BNC2: variants seen among roughly 807,000 people sequenced by gnomAD.
The protein encoded by BNC2 is zinc finger protein basonuclin-2.
In BNC2, 20 loss-of-function variants were observed where a neutral mutation model predicts 76.3. That is an observed-to-expected ratio of 0.26 (90% CI 0.18 to 0.38). The LOEUF (loss-of-function observed/expected upper bound fraction) is 0.38, where lower values mean the gene tolerates loss of function less well. BNC2 is among the 10% of genes least tolerant of loss of function. The pLI, the probability that BNC2 is intolerant of heterozygous loss-of-function variation, is 1.00. For synonymous variants in BNC2, 582 were observed against 514.8 expected (o/e 1.13, Z -1.77); for missense variants, 1,382 against 1,399.8 (o/e 0.99, Z 0.20).
At chr9:16,513,175 A>G (rs949948712) in intron 5 of BNC2, among the ~76,000 whole-genome samples, 1 of 152,150 alleles carries the variant, frequency 6.6e-6, no homozygotes, top group Non-Finnish European at 1.5e-5. Context: ...ATAATGAAAT[A>G]AAGTGTTCAT....
chr9:16,785,690 A>G (rs1826272330), intron 1 of BNC2, among the ~76,000 whole-genome samples: 1 of 150,808 alleles, frequency 6.6e-6, no homozygotes, highest in Non-Finnish European at 1.5e-5. Flanking sequence ...CGCCCAGCCT[A>G]TGTATTTATT....
At chr9:16,424,434 G>C (rs1386737185) in intron 6 of BNC2, among the ~76,000 whole-genome samples, 1 of 152,112 alleles carries the variant, frequency 6.6e-6, no homozygotes, top group Non-Finnish European at 1.5e-5. Flanking sequence ...TAATTAATTA[G>C]AATGCCTCAA....
chr9:16,638,926 A>C (rs550555115), intron 3 of BNC2, among the ~76,000 whole-genome samples: 9 of 152,194 alleles, frequency 5.9e-5, no homozygotes, highest in Non-Finnish European at 1.3e-4. Context: ...GCAAAAGTTA[A>C]AGATAATAAT....
chr9:16,762,646 G>A (rs896991726), intron 1 of BNC2, among the ~76,000 whole-genome samples: 1 of 152,096 alleles, frequency 6.6e-6, no homozygotes, highest in African/African-American at 2.4e-5. Context: ...TTTGCTATTT[G>A]TTCTCCAAAG....
chr9:16,830,613 C>T (rs1253391024), intron 1 of BNC2, among the ~76,000 whole-genome samples: 1 of 152,120 alleles, frequency 6.6e-6, no homozygotes, highest in Non-Finnish European at 1.5e-5. Context: ...ATACAGAAGG[C>T]CAACTGTATT....
chr9:16,556,648 G>A (rs1048645414), intron 4 of BNC2, among the ~76,000 whole-genome samples: 5 of 140,276 alleles, frequency 3.6e-5, no homozygotes, highest in Non-Finnish European at 7.4e-5. Flanking sequence ...CGCGCCTGTA[G>A]TCCCAGTTAC....
Position 16,412,476 on chromosome 9 carries a change from A to G in BNC2, c.*6513T>C, listed in dbSNP as rs1345256308. The G allele has an allele frequency of 6.6e-6, 1 of 152,484 alleles. No homozygotes were observed. Among genetic ancestry groups the G allele is most frequent in the Non-Finnish European group, 1.5e-5 (1 of 68,030 alleles). 9.4% of individuals were successfully genotyped at this position (152,484 alleles called of 1,614,324 possible). A position where few individuals can be genotyped will look rare whatever the true frequency, so the allele number is the denominator to read the frequency against. On this transcript the variant is annotated 3_prime_UTR_variant, in exon 7 of 7. Coordinates refer to ENST00000380672, the MANE Select transcript of BNC2 (RefSeq NM_017637.6). The stretch of plus-strand genomic sequence containing the variant: ...ACTTGCAGGAAAATTTGCTCTAATT[A>G]TAGGGCCACACCCATTACTCTCAAG...
intron 3 of BNC2, among the ~76,000 whole-genome samples, chr9:16,637,903 T>G (rs1177934279): frequency 6.6e-6 from 1 of 152,168 alleles, no homozygotes; most frequent in Non-Finnish European, 1.5e-5. Context: ...TACAGTGAAA[T>G]AAACAGATTT....
At chr9:16,566,009 C>T (rs1003526134) in intron 4 of BNC2, among the ~76,000 whole-genome samples, 1 of 152,176 alleles carries the variant, frequency 6.6e-6, no homozygotes, top group Non-Finnish European at 1.5e-5. Flanking sequence ...GCTGTATTTT[C>T]TCAGAACGTT....
At chr9:16,669,832 G>A (rs1443956626) in intron 3 of BNC2, among the ~76,000 whole-genome samples, 1 of 152,146 alleles carries the variant, frequency 6.6e-6, no homozygotes, top group Non-Finnish European at 1.5e-5. Context: ...CTTATAAGAA[G>A]CAAAAACGTG....
chr9:16,808,240 C>T (rs191548266), intron 1 of BNC2, among the ~76,000 whole-genome samples: 189 of 152,180 alleles, frequency 1.2e-3, no homozygotes, highest in African/African-American at 4.4e-3. Context: ...AGAATACTGA[C>T]AGCAAATTAT....
At position 16,538,188 on chromosome 9, in the gene BNC2, C is replaced by G. The variant is rs551188366; in HGVS notation, c.669+14342G>C. Among the ~76,000 whole-genome samples, 41 of 152,256 alleles carry G rather than the reference C, an allele frequency of 2.7e-4. No homozygotes were observed. In the South Asian group the frequency reaches 3.5e-3, roughly 13 times the overall value. On this transcript the variant is annotated intron_variant, in intron 5 of 6. Coordinates refer to ENST00000380672, the MANE Select transcript of BNC2 (RefSeq NM_017637.6). ...ACTGCCTGAAGGTTCTTCTCACTGT[C>G]CTACCAATTGGACACTGCTTTTCAG... is the stretch of plus-strand genomic sequence containing the variant.
At position 16,419,200 on chromosome 9, in the gene BNC2, C is replaced by T. The variant is rs372397169; in HGVS notation, c.3089G>A (p.Gly1030Glu). 1.9e-6 allele frequency: 3 copies of T among 1,614,084 alleles called. No homozygotes were observed. In the African/African-American group the frequency reaches 4.0e-5, roughly 22 times the overall value. The change falls in exon 7 of 7, where the codon GGG becomes GAG. Residue 1030 changes from glycine to glutamate, a missense_variant. Physicochemically the swap from Gly to Glu is moderately conservative, Grantham distance 98. Coordinates refer to ENST00000380672, the MANE Select transcript of BNC2 (RefSeq NM_017637.6). The stretch of plus-strand genomic sequence containing the variant: ...GTTGCACATGATCCCACCATTGCTC[C>T]CAGACAAGCTGCTGAACATAAGAGA... ...SGSLMFSSLS[G>E]SNGGIMCNIC...
At chr9:16,548,176 G>C (rs977559002) in intron 5 of BNC2, among the ~76,000 whole-genome samples, 1 of 152,268 alleles carries the variant, frequency 6.6e-6, no homozygotes, top group South Asian at 2.1e-4. Flanking sequence ...GCTGGTGGAT[G>C]AGCCCAGGCA....
At chr9:16,420,517 G>A (rs984326447) in intron 6 of BNC2, among the ~76,000 whole-genome samples, 2 of 151,626 alleles carry the variant, frequency 1.3e-5, no homozygotes, top group Admixed American at 1.3e-4. Flanking sequence ...ACAACAGAAA[G>A]AAAACTCAGA....
intron 5 of BNC2, among the ~76,000 whole-genome samples, chr9:16,439,575 G>C (rs1457098609): frequency 1.3e-5 from 2 of 152,268 alleles, no homozygotes; most frequent in East Asian, 3.9e-4. Context: ...AGCATGATGA[G>C]AGGCATAAGG....
Position 16,416,525 on chromosome 9 carries a change from A to T in BNC2, c.*2464T>A, listed in dbSNP as rs1353137347. 6.6e-6 allele frequency: 1 copy of T among 152,640 alleles called. No individual in the cohort carries two copies. The highest frequency in any genetic ancestry group is 2.4e-5 in the African/African-American group (1 of 41,458). 9.5% of individuals were successfully genotyped at this position (152,640 alleles called of 1,614,324 possible). On this transcript the variant is annotated 3_prime_UTR_variant, in exon 7 of 7. Coordinates refer to ENST00000380672, the MANE Select transcript of BNC2 (RefSeq NM_017637.6). ...TTCAATTTAACACAACACCAAAATA[A>T]AGCAATTAAGACTTTGGGGAATTCA...
At chr9:16,565,431 C>T (rs987127408) in intron 4 of BNC2, among the ~76,000 whole-genome samples, 4 of 152,150 alleles carry the variant, frequency 2.6e-5, no homozygotes, top group African/African-American at 7.2e-5. Context: ...CTGTCCCATG[C>T]TAAGTTTTAG....
chr9:16,606,812 C>T (rs1461384116), intron 3 of BNC2, among the ~76,000 whole-genome samples: 1 of 152,214 alleles, frequency 6.6e-6, no homozygotes, highest in Admixed American at 6.5e-5. Context: ...CTCACCTGGG[C>T]CTCCCAACGT....
Sources: allele counts gnomAD v4.1 joint callset (sites outside exome capture counted in the v4.1 genomes callset), GRCh38; gene constraint gnomAD v4.1.1; transcripts MANE v1.5; gene names NCBI Gene and HGNC (gene_info 2026-07-23, HGNC 2026-07-21).